The following SRD5A3 variants were observed in gnomAD, a reference collection of about 807,000 sequenced individuals.
SRD5A3 encodes the protein steroid 5 alpha-reductase 3.
A neutral mutation model predicts 34.3 loss-of-function variants in SRD5A3; 24 were observed. The observed-to-expected ratio is 0.70, with a 90% confidence interval of 0.51 to 0.99. SRD5A3 has a LOEUF of 0.99. SRD5A3 is among the 50% of genes least tolerant of loss of function. The pLI is 0.00. For synonymous variants in SRD5A3, 161 were observed against 167.3 expected (o/e 0.96, Z 0.29); for missense variants, 350 against 388.2 (o/e 0.90, Z 0.83).
chr4:55,369,607 T>C, intron 4 of SRD5A3: 1 of 577,594 alleles, frequency 1.7e-6, no homozygotes, highest in Non-Finnish European at 3.1e-6. Flanking sequence ...GATGCATACC[T>C]GTGGTACTAG....
At chr4:55,356,325 A>G (rs73149751) in intron 1 of SRD5A3, among the ~76,000 whole-genome samples, 3,229 of 151,692 alleles carry the variant, frequency 0.021, 120 homozygotes, top group African/African-American at 0.074. Flanking sequence ...GCTGCCTTTT[A>G]AAATGTTTTT....
intron 4 of SRD5A3, 181 bp from the exon 5 acceptor site, chr4:55,369,651 G>T (rs1018726084): frequency 8.3e-5 from 55 of 660,918 alleles, no homozygotes; most frequent in Non-Finnish European, 1.4e-4. Flanking sequence ...GGATTGCCTG[G>T]GCCTGGAAGG....
chr4:55,363,047 A>G (rs1429130693), intron 2 of SRD5A3, among the ~76,000 whole-genome samples: 3 of 144,682 alleles, frequency 2.1e-5, no homozygotes, highest in Non-Finnish European at 3.1e-5. Flanking sequence ...GGGTTTCACC[A>G]TGTTGCCCAG....
At chr4:55,350,449 G>T (rs995364511) in intron 1 of SRD5A3, among the ~76,000 whole-genome samples, 5 of 152,040 alleles carry the variant, frequency 3.3e-5, no homozygotes, top group Non-Finnish European at 5.9e-5. Flanking sequence ...ACTATAATTG[G>T]TTTCCTTTGT....
intron 1 of SRD5A3, among the ~76,000 whole-genome samples, chr4:55,351,314 C>T (rs1439868626): frequency 2.6e-5 from 4 of 152,014 alleles, no homozygotes; most frequent in African/African-American, 9.7e-5. Flanking sequence ...TCAGATGATC[C>T]ACCCACCTCG....
chr4:55,346,288 C>T lies in SRD5A3; in HGVS notation c.-49C>T. Reference sequence around the variant, plus strand: ...GCGCTAGTGGCCGCTCTTCCGCGGGCTAGCGGGCGGTGGGGGCGCCAGCAG... The same window carrying T: ...GCGCTAGTGGCCGCTCTTCCGCGGGTTAGCGGGCGGTGGGGGCGCCAGCAG... On this transcript the variant is annotated 5_prime_UTR_variant, in exon 1 of 5. Transcript: ENST00000264228. 7.4e-7 allele frequency: 1 copy of T among 1,356,846 alleles called. No individual in the cohort carries two copies. Among genetic ancestry groups the T allele is most frequent in the South Asian group, 1.8e-5 (1 of 55,642 alleles). 84.1% of individuals were successfully genotyped at this position (1,356,846 alleles called of 1,614,324 possible). A position where few individuals can be genotyped will look rare whatever the true frequency, so the allele number is the denominator to read the frequency against.
rs540686554 is a variant in SRD5A3 at position 55,370,538 on chromosome 4, C to A, written c.*447C>A. On this transcript the variant is annotated 3_prime_UTR_variant, in exon 5 of 5. Coordinates refer to ENST00000264228, the MANE Select transcript of SRD5A3 (RefSeq NM_024592.5). ...GGACTATATAATAATATAGCAGGTG[C>A]TCAATAACTGTTTGTTGCATTTCAG... 1 of 184,866 alleles carries A rather than the reference C, an allele frequency of 5.4e-6. No individual in the cohort carries two copies. The highest frequency in any genetic ancestry group is 1.1e-4 in the South Asian group (1 of 8,804). The allele number at this position is 184,866 out of a possible 1,614,324, so 11.5% of individuals were successfully genotyped here.
At chr4:55,347,640 T>TAAA (rs1719045140) in intron 1 of SRD5A3, among the ~76,000 whole-genome samples, 1 of 152,156 alleles carries the variant, frequency 6.6e-6, no homozygotes, top group Admixed American at 6.5e-5. Context: ...AAAAAAATTT[T>TAAA]TTTTTAAAGG....
At position 55,372,978 on chromosome 4, in the gene SRD5A3, A is replaced by C. The variant is rs1386764840; in HGVS notation, c.*2887A>C. 6.6e-6 allele frequency: 1 copy of C among 152,192 alleles called. No homozygotes were observed. Among genetic ancestry groups the C allele is most frequent in the African/African-American group, 2.4e-5 (1 of 41,434 alleles). 9.4% of individuals were successfully genotyped at this position (152,192 alleles called of 1,614,324 possible). On this transcript the variant is annotated 3_prime_UTR_variant, in exon 5 of 5. Coordinates refer to ENST00000264228, the MANE Select transcript of SRD5A3 (RefSeq NM_024592.5). Reference sequence around the variant, plus strand: ...TTGCAGATATTTTTGTATGTAGCTTAATAGATATTTAGTTTAAGGAGACTG... The same window carrying C: ...TTGCAGATATTTTTGTATGTAGCTTCATAGATATTTAGTTTAAGGAGACTG...
intron 1 of SRD5A3, among the ~76,000 whole-genome samples, chr4:55,354,675 A>G (rs1213005902): frequency 6.6e-6 from 1 of 152,062 alleles, no homozygotes; most frequent in East Asian, 1.9e-4. Context: ...CTCAAATATT[A>G]CCTTCTCAGT....
chr4:55,369,147 G>A (rs369277039), intron 4 of SRD5A3, among the ~76,000 whole-genome samples: 11 of 152,078 alleles, frequency 7.2e-5, no homozygotes, highest in Middle Eastern at 3.2e-3. Context: ...ACTACAGTCC[G>A]GTCTTCATTT....
In SRD5A3 at chr4:55,370,148, G is replaced by T; in HGVS notation, c.*57G>T. On this transcript the variant is annotated 3_prime_UTR_variant, in exon 5 of 5. Transcript: ENST00000264228. ...GTGATGGTTTCAATGCCTAAGGACA[G>T]TGAAGTCTGGAGCCCAAAGTACAGT... 2 of 1,604,548 alleles carry T rather than the reference G, an allele frequency of 1.2e-6. No individual in the cohort carries two copies. Among genetic ancestry groups the T allele is most frequent in the Non-Finnish European group, 1.7e-6 (2 of 1,176,080 alleles).
At chr4:55,364,860 G>C (rs1451948919) in intron 3 of SRD5A3, 1 of 158,832 alleles carries the variant, frequency 6.3e-6, no homozygotes, top group East Asian at 1.8e-4. Context: ...GACGCTGCCT[G>C]AGAGGAGAGG....
Position 55,370,210 on chromosome 4 carries a change from T to G in SRD5A3, c.*119T>G. On this transcript the variant is annotated 3_prime_UTR_variant, in exon 5 of 5. Coordinates refer to ENST00000264228, the MANE Select transcript of SRD5A3 (RefSeq NM_024592.5). ...TGTTTGAAACTCTCCATTCCATTTC[T>G]ATACCCCACAAGTTTTCACTGAATG... The G allele has an allele frequency of 7.3e-7, 1 of 1,370,396 alleles. No individual in the cohort carries two copies. The highest frequency in any genetic ancestry group is 1.2e-5 in the South Asian group (1 of 84,556). The allele number at this position is 1,370,396 out of a possible 1,614,324, so 84.9% of individuals were successfully genotyped here. A position where few individuals can be genotyped will look rare whatever the true frequency, so the allele number is the denominator to read the frequency against.
intron 1 of SRD5A3, among the ~76,000 whole-genome samples, chr4:55,354,650 C>A (rs930827862): frequency 1.7e-4 from 26 of 152,320 alleles, no homozygotes; most frequent in Admixed American, 1.4e-3. Flanking sequence ...TATCCCCTCA[C>A]TTGCTGTAAT....
chr4:55,369,035 A>C (rs1560374399), intron 4 of SRD5A3, among the ~76,000 whole-genome samples: 1 of 152,220 alleles, frequency 6.6e-6, no homozygotes, highest in Non-Finnish European at 1.5e-5. Flanking sequence ...TACCGCGCCC[A>C]GCCAAAAAAC....
chr4:55,368,309 G>A (rs1366691367), intron 4 of SRD5A3, among the ~76,000 whole-genome samples: 1 of 151,546 alleles, frequency 6.6e-6, no homozygotes, highest in Non-Finnish European at 1.5e-5. Flanking sequence ...AACCTGGGAG[G>A]CGGAGGTTGC....
At chr4:55,352,272 C>A in intron 1 of SRD5A3, 2 of 849,000 alleles carry the variant, frequency 2.4e-6, no homozygotes, top group South Asian at 2.6e-5. Flanking sequence ...GGGAATTTCT[C>A]TTTCCTTTAA....
At chr4:55,358,535 C>CAAAAAAAAAA (rs576702969) in intron 1 of SRD5A3, among the ~76,000 whole-genome samples, 3 of 112,788 alleles carry the variant, frequency 2.7e-5, no homozygotes, top group Non-Finnish European at 3.4e-5. Context: ...GACCCTGTCT[C>CAAAAAAAAAA]AAAAAAAAAA....
Sources: allele counts gnomAD v4.1 joint callset (sites outside exome capture counted in the v4.1 genomes callset), GRCh38; gene constraint gnomAD v4.1.1; transcripts MANE v1.5; gene names NCBI Gene and HGNC (gene_info 2026-07-23, HGNC 2026-07-21).